The following HSPG2 variants were observed in gnomAD, a reference collection of about 807,000 sequenced individuals.
HSPG2 encodes the protein heparan sulfate proteoglycan 2, also known as basement membrane-specific heparan sulfate proteoglycan core protein.
Under a neutral mutation model 526.6 loss-of-function variants are expected in HSPG2, and 278 were observed. The observed-to-expected ratio is 0.53, with a 90% CI of 0.48 to 0.58. The LOEUF (loss-of-function observed/expected upper bound fraction) is 0.58, where lower values mean the gene tolerates loss of function less well. Ranked by LOEUF, HSPG2 falls within the 20% of genes least tolerant of loss-of-function variation. HSPG2 has a pLI of 0.00. For missense variants in HSPG2, 5,354 were observed against 6,099.5 expected, an observed-to-expected ratio of 0.88 and a Z score of 4.07; for synonymous variants, 2,465 against 2,555.4, an observed-to-expected ratio of 0.96 and a Z score of 1.07.
At chr1:21,935,567 G>T (rs1271880055) in intron 1 of HSPG2, among the ~76,000 whole-genome samples, 1 of 152,198 alleles carries the variant, frequency 6.6e-6, no homozygotes, top group African/African-American at 2.4e-5. Context: ...TCTGTTGAAT[G>T]AACAAGTGAA....
rs1336839399 is a variant in HSPG2, at chr1:21,829,852, CAT to C, written c.11770+139_11770+140del. On this transcript the variant is annotated intron_variant, in intron 86 of 96. Transcript: ENST00000374695. ...CAATAAGGGGCTCAGGCTGGGCAGACATGTGGCCAGGTGACTTCGAGATCCTC... is the reference window on the plus strand; with the variant it reads ...CAATAAGGGGCTCAGGCTGGGCAGACGTGGCCAGGTGACTTCGAGATCCTC... 2.8e-5 allele frequency: 23 copies of C among 816,202 alleles called. No homozygotes were observed. In the Admixed American group the frequency reaches 3.7e-4, roughly 13 times the overall value. The allele number at this position is 816,202 out of a possible 1,614,324, so 50.6% of individuals were successfully genotyped here.
intron 1 of HSPG2, among the ~76,000 whole-genome samples, chr1:21,909,846 G>A (rs1044435177): frequency 1.4e-4 from 21 of 152,318 alleles, no homozygotes; most frequent in African/African-American, 5.1e-4. Context: ...CCTACAGGAG[G>A]GCCCAGTGGG....
intron 33 of HSPG2, chr1:21,871,017 C>T: frequency 3.3e-6 from 1 of 298,926 alleles, no homozygotes; most frequent in Non-Finnish European, 4.9e-6. Flanking sequence ...CGGGAGAAGC[C>T]TGGAGTACCT....
At position 21,833,931 on chromosome 1, in the gene HSPG2, A is replaced by G. The variant is rs1319830703; in HGVS notation, c.10721-6T>C. On this transcript the variant is annotated splice_polypyrimidine_tract_variant and splice_region_variant and intron_variant, in intron 77 of 96. Transcript: ENST00000374695. ...CATTGAGATCTGGGGCAAGGCTGAG[A>G]GGCATGGAAGAGACATAGGCCATCA... 6.4e-7 allele frequency: 1 copy of G among 1,565,810 alleles called. No homozygotes were observed. The highest frequency in any genetic ancestry group is 1.2e-5 in the South Asian group (1 of 85,258).
rs2097987833 is a variant in HSPG2, at chr1:21,828,683, G to C, written c.12237+152C>G. On this transcript the variant is annotated intron_variant, in intron 88 of 96. Coordinates refer to ENST00000374695, the MANE Select transcript of HSPG2 (RefSeq NM_005529.7). This position sits in a 1 kb window ranked among gnomAD's most constrained non-coding sequence, Gnocchi z 6.0. ...GTGATCATGCCCATTTTACAGAGGA[G>C]GAAACTGAGGCTCAGAGGTACAGTG... 6.0e-6 allele frequency: 7 copies of C among 1,175,200 alleles called. No individual in the cohort carries two copies. The South Asian group carries it at 9.4e-5, about 16-fold the overall frequency. 72.8% of individuals were successfully genotyped at this position (1,175,200 alleles called of 1,614,324 possible). A position where few individuals can be genotyped will look rare whatever the true frequency, so the allele number is the denominator to read the frequency against.
At chr1:21,932,107 G>T (rs538200601) in intron 1 of HSPG2, among the ~76,000 whole-genome samples, 4 of 151,450 alleles carry the variant, frequency 2.6e-5, no homozygotes, top group Non-Finnish European at 3.0e-5. Flanking sequence ...GCGTCCCTAG[G>T]AGACCCCACG....
intron 57 of HSPG2, 30 bp from the exon 58 acceptor site, chr1:21,849,061 T>C (rs763555830): frequency 6.2e-7 from 1 of 1,611,324 alleles, no homozygotes; most frequent in Non-Finnish European, 8.5e-7. Flanking sequence ...GGAGGCAGGC[T>C]CAGAGCTGGG....
chr1:21,887,669 G>C lies in HSPG2; in HGVS notation c.709C>G (p.Pro237Ala). The C allele has an allele frequency of 6.2e-7, 1 of 1,613,854 alleles. No individual in the cohort carries two copies. Among genetic ancestry groups the C allele is most frequent in the Non-Finnish European group, 8.5e-7 (1 of 1,179,996 alleles). The change falls in exon 8 of 97, where the codon CCA becomes GCA. Residue 237 changes from proline to alanine, a missense_variant. Physicochemically the swap from Pro to Ala is conservative, Grantham distance 27. Transcript: ENST00000374695. The surrounding 1 kb of genome is among the most constrained non-coding windows in gnomAD (Gnocchi z 5.0). ...AATGTGGGGCTGATACCCAGGACTG[G>C]CTCCTCTGTGGATAGATTCCGCTTG... ...DMSDELNCEEPVLGISPTFSL... is the reference protein window; with the variant it reads ...DMSDELNCEEAVLGISPTFSL...
At position 21,888,048 on chromosome 1, in the gene HSPG2, G is replaced by A; in HGVS notation, c.593C>T (p.Ala198Val). The A allele has an allele frequency of 6.2e-7, 1 of 1,614,074 alleles. No individual in the cohort carries two copies. Among genetic ancestry groups the A allele is most frequent in the Middle Eastern group, 1.7e-4 (1 of 6,060 alleles). Residue 198 changes from alanine (A) to valine (V), a missense_variant, in exon 7 of 97, where the codon GCC (alanine) becomes GTC (valine). Ala to Val is a moderately conservative substitution (Grantham distance 64, BLOSUM62 0). Transcript: ENST00000374695. ...RLGTVPQFPR[A>V]CTEAEFACHS... Reference sequence around the variant, plus strand: ...GCAGGCAAACTCGGCCTCCGTGCAGGCTCTTGGGAACTGGGGCACTGCAGG... The same window carrying A: ...GCAGGCAAACTCGGCCTCCGTGCAGACTCTTGGGAACTGGGGCACTGCAGG...
rs1190568214 is a variant in HSPG2 at position 21,875,700 on chromosome 1, C to T, written c.3231G>A (p.Leu1077=). The stretch of plus-strand genomic sequence containing the variant: ...TGTCGATGCCTGCCAGTGCCATCAG[C>T]AGGTGCTCCCGTGTGGCTGGCTGCC... ...PDGQPATREH[L]LMALAGIDTL... Residue 1077 remains leucine (L), a synonymous_variant, in exon 25 of 97, where the codon CTG becomes CTA. Coordinates refer to ENST00000374695, the MANE Select transcript of HSPG2 (RefSeq NM_005529.7). 1.2e-6 allele frequency: 2 copies of T among 1,604,760 alleles called. No individual in the cohort carries two copies. Among genetic ancestry groups the T allele is most frequent in the Non-Finnish European group, 1.7e-6 (2 of 1,179,984 alleles).
At position 21,824,646 on chromosome 1, in the gene HSPG2, A is replaced by T; in HGVS notation, c.12666-31T>A. 6.2e-7 allele frequency: 1 copy of T among 1,613,446 alleles called. No homozygotes were observed. Among genetic ancestry groups the T allele is most frequent in the Non-Finnish European group, 8.5e-7 (1 of 1,179,504 alleles). On this transcript the variant is annotated intron_variant, in intron 92 of 96. Transcript: ENST00000374695. This position sits in a 1 kb window ranked among gnomAD's most constrained non-coding sequence, Gnocchi z 5.9. ...GAGGAAGAGCGGGTGAGGGGACAGA[A>T]GTCCCAGATTCCCATCCTCCCCATT...
chr1:21,833,699 C>A, intron 78 of HSPG2, 85 bp from the exon 79 acceptor site: 1 of 1,591,958 alleles, frequency 6.3e-7, no homozygotes, highest in East Asian at 2.2e-5. Flanking sequence ...GGCCCACCTT[C>A]CAACATTGAG....
chr1:21,911,577 CAG>C (rs1417643623), intron 1 of HSPG2, among the ~76,000 whole-genome samples: 2 of 152,238 alleles, frequency 1.3e-5, no homozygotes, highest in Non-Finnish European at 2.9e-5. Flanking sequence ...GCCCTTTACC[CAG>C]TTCCCTGGGA....
At chr1:21,886,770 A>C (rs1165389563) in intron 9 of HSPG2, among the ~76,000 whole-genome samples, 1 of 152,108 alleles carries the variant, frequency 6.6e-6, no homozygotes, top group Non-Finnish European at 1.5e-5. Context: ...AGGTGGGTGC[A>C]TGGGTGGCTG....
At chr1:21,888,648 G>T in intron 6 of HSPG2, 1 of 1,361,620 alleles carries the variant, frequency 7.3e-7, no homozygotes, top group South Asian at 1.1e-5. Context: ...GCTGGGCCTC[G>T]GCCTGGCTTA....
In HSPG2 at chr1:21,851,791, G is replaced by T. The variant is rs745663099; in HGVS notation, c.7006C>A (p.Pro2336Thr). Reference sequence around the variant, plus strand: ...AGCCCAGCCTGGTGGCCCCACTCACGGTAGGCTAAGTTGGCCCCCTGGGTC... The same window carrying T: ...AGCCCAGCCTGGTGGCCCCACTCACTGTAGGCTAAGTTGGCCCCCTGGGTC... ...TGTQGANLAY[P>T]AGSTQPIRIE... The change falls in exon 54 of 97, where the codon CCT becomes ACT. Residue 2336 changes from proline to threonine, a missense_variant and splice_region_variant. Pro to Thr is a conservative substitution (Grantham distance 38). Coordinates refer to ENST00000374695, the MANE Select transcript of HSPG2 (RefSeq NM_005529.7). The T allele has an allele frequency of 6.2e-7, 1 of 1,613,910 alleles. No individual in the cohort carries two copies. Among genetic ancestry groups the T allele is most frequent in the South Asian group, 1.1e-5 (1 of 91,086 alleles).
At chr1:21,897,208 G>A (rs184377676) in intron 1 of HSPG2, among the ~76,000 whole-genome samples, 1 of 152,334 alleles carries the variant, frequency 6.6e-6, no homozygotes, top group East Asian at 1.9e-4. Context: ...GGAGCCCAAG[G>A]GAACCCCGTG....
intron 1 of HSPG2, among the ~76,000 whole-genome samples, chr1:21,913,901 G>C (rs148760481): frequency 1.8e-4 from 28 of 152,312 alleles, no homozygotes; most frequent in African/African-American, 6.0e-4. Context: ...TTGCCAGCTG[G>C]GTGGCTCTGG....
intron 80 of HSPG2, 56 bp downstream of exon 80, chr1:21,833,212 C>T: frequency 1.4e-6 from 2 of 1,400,206 alleles, no homozygotes; most frequent in Non-Finnish European, 2.0e-6. Flanking sequence ...GGCAGTTACT[C>T]CACGAGGTCC....
Sources: gnomAD v4.1 joint callset for allele counts (sites outside exome capture counted in the v4.1 genomes callset) on GRCh38, gnomAD v4.1.1 for gene constraint, Gnocchi (gnomAD v3.1) non-coding constraint, MANE v1.5 for transcripts, NCBI Gene and HGNC (gene_info 2026-07-23, HGNC 2026-07-21) for gene names.